The following ITGA5 variants were observed in gnomAD, a reference collection of about 807,000 sequenced individuals.
ITGA5 encodes integrin subunit alpha 5, also known as integrin alpha-5.
ITGA5 carries 55 observed loss-of-function variants against 146.3 expected under a neutral mutation model. That is an observed-to-expected ratio of 0.38 (90% CI 0.30 to 0.47). The LOEUF is 0.47. Among genes scored for constraint, ITGA5 ranks in the 20% least tolerant of loss-of-function variants. ITGA5 has a pLI of 0.99. For synonymous variants in ITGA5, 500 were observed against 531.8 expected (o/e 0.94, Z 0.82); for missense variants, 1,131 against 1,329.0 (o/e 0.85, Z 2.32).
chr12:54,404,353 C>T lies in ITGA5; in HGVS notation c.1463+77G>A, dbSNP rs111739162. 317 of 1,578,022 alleles carry T rather than the reference C, an allele frequency of 2.0e-4. No individual in the cohort carries two copies. In the African/African-American group the frequency reaches 3.8e-3, roughly 19 times the overall value. ...ATGTGTGTCCTCTGCATTGATTTTC[C>T]CAACCTCAGCTCTGTTGAGAAATTT... is the stretch of plus-strand genomic sequence containing the variant. On this transcript the variant is annotated intron_variant, in intron 14 of 29. Coordinates refer to ENST00000293379, the MANE Select transcript of ITGA5 (RefSeq NM_002205.5).
At chr12:54,405,000 G>T in intron 12 of ITGA5, 106 bp from the exon 13 acceptor site, 1 of 1,194,808 alleles carries the variant, frequency 8.4e-7, no homozygotes, top group Non-Finnish European at 1.2e-6. Flanking sequence ...CCATCTGTCA[G>T]TCCCTATATT....
chr12:54,416,216 C>T lies in ITGA5; in HGVS notation c.218+2765G>A, dbSNP rs774139434. 6.6e-6 allele frequency among the ~76,000 whole-genome samples: 1 copy of T among 152,142 alleles called. No homozygotes were observed. Among genetic ancestry groups the T allele is most frequent in the African/African-American group, 2.4e-5 (1 of 41,434 alleles). On this transcript the variant is annotated intron_variant, in intron 1 of 29. Transcript: ENST00000293379. This position sits in a 1 kb window ranked among gnomAD's most constrained non-coding sequence, Gnocchi z 4.1. ...TCCCGAGTAGCTGGGATTACAGGTG[C>T]GTGCCAGCACGCTCGGCTAATTTTT...
At position 54,401,934 on chromosome 12, in the gene ITGA5, C is replaced by G; in HGVS notation, c.2226+67G>C. ...CCTCCGCACCTCACAGCTGTGCTCT[C>G]GGCTGGCTGGTTACCGCCCTCAGGT... On this transcript the variant is annotated intron_variant, in intron 21 of 29. Coordinates refer to ENST00000293379, the MANE Select transcript of ITGA5 (RefSeq NM_002205.5). The surrounding 1 kb of genome is among the most constrained non-coding windows in gnomAD (Gnocchi z 5.0). 6.3e-7 allele frequency: 1 copy of G among 1,596,954 alleles called. No individual in the cohort carries two copies. The highest frequency in any genetic ancestry group is 8.6e-7 in the Non-Finnish European group (1 of 1,164,622).
rs550608760 is a variant in ITGA5 at position 54,402,464 on chromosome 12, AG to A, written c.1983-135del. On this transcript the variant is annotated intron_variant, in intron 19 of 29. Coordinates refer to ENST00000293379, the MANE Select transcript of ITGA5 (RefSeq NM_002205.5). ...GTAATCCCAGCACTTTGGGAGGCTG[AG>A]GCGGGTGGATCACGAGGTCAGGAGT... The A allele has an allele frequency of 5.3e-4, 386 of 733,252 alleles. 2 individuals are homozygous for A. In the African/African-American group the frequency reaches 6.3e-3, roughly 12 times the overall value. 45.4% of individuals were successfully genotyped at this position (733,252 alleles called of 1,614,324 possible).
chr12:54,399,812 A>G (rs373529910), intron 26 of ITGA5, 52 bp downstream of exon 26: 2 of 1,605,408 alleles, frequency 1.2e-6, no homozygotes, highest in African/African-American at 1.3e-5. Flanking sequence ...GGCCCTGAGA[A>G]CCCCAGAGTA....
intron 1 of ITGA5, 116 bp from the exon 2 acceptor site, chr12:54,412,080 C>G (rs975944896): frequency 1.3e-6 from 1 of 750,878 alleles, no homozygotes; most frequent in Non-Finnish European, 2.0e-6. Context: ...AGTAGATGCC[C>G]CCTGCGTTGT....
Position 54,402,194 on chromosome 12 carries a change from C to G in ITGA5, c.2119G>C (p.Val707Leu). ...TCTCATCTCACCCCTGGGTGTCTGACGAGTCCTGAGTACTCAGCCTCTGGA... is the reference window on the plus strand; with the variant it reads ...TCTCATCTCACCCCTGGGTGTCTGAGGAGTCCTGAGTACTCAGCCTCTGGA... ...APPEAEYSGL[V>L]RHPGNFSSLS... Residue 707 changes from valine to leucine, a missense_variant, in exon 20 of 30, where the codon GTC (valine) becomes CTC (leucine). Physicochemically the swap from Val to Leu is conservative, Grantham distance 32. This residue lies in a region of ITGA5 where 889 missense variants were observed against 1,021.5 expected (regional missense o/e 0.87). Coordinates refer to ENST00000293379, the MANE Select transcript of ITGA5 (RefSeq NM_002205.5). 1 of 1,613,448 alleles carries G rather than the reference C, an allele frequency of 6.2e-7. No homozygotes were observed. The highest frequency in any genetic ancestry group is 2.2e-5 in the East Asian group (1 of 44,862).
rs200041275 is a variant in ITGA5 at position 54,408,188 on chromosome 12, G to C, written c.739C>G (p.Pro247Ala). ...TGAACCAGGTTGATCAGGTACTCGG[G>C]GTAATAAGATTCTGCAATCTGCTCC... ...TQEQIAESYYPEYLINLVQGQ... is the reference protein window; with the variant it reads ...TQEQIAESYYAEYLINLVQGQ... Residue 247 changes from proline (P) to alanine (A), a missense_variant, in exon 7 of 30, where the codon CCC becomes GCC. Physicochemically the swap from Pro to Ala is conservative, Grantham distance 27. This residue lies in a region of ITGA5 where 889 missense variants were observed against 1,021.5 expected (regional missense o/e 0.87). Coordinates refer to ENST00000293379, the MANE Select transcript of ITGA5 (RefSeq NM_002205.5). 1 of 1,614,154 alleles carries C rather than the reference G, an allele frequency of 6.2e-7. No homozygotes were observed. Among genetic ancestry groups the C allele is most frequent in the Non-Finnish European group, 8.5e-7 (1 of 1,180,016 alleles).
chr12:54,411,866 G>A lies in ITGA5; in HGVS notation c.317C>T (p.Thr106Ile). 1 of 1,590,200 alleles carries A rather than the reference G, an allele frequency of 6.3e-7. No homozygotes were observed. ...GTCAAATTCAATGGGGGTGCACTGT[G>A]TGGGGCTGGCACCCCAAGGACAGAG... Reference protein sequence around the residue: ...VYLCPWGASPTQCTPIEFDSK... With the variant: ...VYLCPWGASPIQCTPIEFDSK... Residue 106 changes from threonine (T) to isoleucine (I), a missense_variant, in exon 2 of 30, where the codon ACA becomes ATA. By Grantham distance (89) the Thr-to-Ile change is moderately conservative (BLOSUM62 -1). Coordinates refer to ENST00000293379, the MANE Select transcript of ITGA5 (RefSeq NM_002205.5).
chr12:54,411,805 C>CA, intron 2 of ITGA5, 29 bp downstream of exon 2: 4 of 1,471,588 alleles, frequency 2.7e-6, no homozygotes, highest in Non-Finnish European at 3.6e-6. Flanking sequence ...TCCCACCCCC[C>CA]AGTCCCTCCC....
chr12:54,413,146 TTCCTC>T (rs1262423975), intron 1 of ITGA5: 1 of 152,362 alleles, frequency 6.6e-6, no homozygotes, highest in East Asian at 1.9e-4. Context: ...TTTGAATACC[TTCCTC>T]AGCTTTCTCA....
intron 14 of ITGA5, 52 bp from the exon 15 acceptor site, chr12:54,404,298 G>T: frequency 1.9e-6 from 3 of 1,581,480 alleles, no homozygotes; most frequent in Non-Finnish European, 2.6e-6. Flanking sequence ...CTGTAACCTG[G>T]ACACAGGAAA....
At chr12:54,402,692 C>T (rs1955803690) in intron 19 of ITGA5, among the ~76,000 whole-genome samples, 1 of 150,782 alleles carries the variant, frequency 6.6e-6, no homozygotes, top group African/African-American at 2.4e-5. Context: ...AAGGGCATGA[C>T]TCCGTCTCAA....
At chr12:54,408,459 G>A (rs1592290173) in intron 6 of ITGA5, among the ~76,000 whole-genome samples, 1 of 152,006 alleles carries the variant, frequency 6.6e-6, no homozygotes, top group South Asian at 2.1e-4. Context: ...AGGGCGCGGC[G>A]GCTCATGCCT....
rs1565643218 is a variant in ITGA5, at chr12:54,409,334, T to C, written c.481A>G (p.Ser161Gly). 1.9e-6 allele frequency: 3 copies of C among 1,613,338 alleles called. No individual in the cohort carries two copies. The highest frequency in any genetic ancestry group is 2.5e-6 in the Non-Finnish European group (3 of 1,179,776). The change falls in exon 4 of 30, where the codon AGC (serine) becomes GGC (glycine). Residue 161 changes from serine (S) to glycine (G), a missense_variant. Physicochemically the swap from Ser to Gly is moderately conservative, Grantham distance 56. Around this residue, in one of 3 missense-constraint regions of ITGA5, gnomAD observed 67 missense variants for 128.2 expected, o/e 0.52. Coordinates refer to ENST00000293379, the MANE Select transcript of ITGA5 (RefSeq NM_002205.5). This position sits in a 1 kb window ranked among gnomAD's most constrained non-coding sequence, Gnocchi z 4.7. ...SSILACAPLYSWRTEKEPLSD... is the reference protein window; with the variant it reads ...SSILACAPLYGWRTEKEPLSD... ...AGTGGCTCCTTCTCTGTGCGCCAGC[T>C]GTACAGTGGAGCGCATGCCTGGGAG...
Position 54,403,582 on chromosome 12 carries a change from C to A in ITGA5, c.1776+43G>T. On this transcript the variant is annotated intron_variant, in intron 17 of 29. Coordinates refer to ENST00000293379, the MANE Select transcript of ITGA5 (RefSeq NM_002205.5). The surrounding 1 kb of genome is among the most constrained non-coding windows in gnomAD (Gnocchi z 4.9). ...AGGAGGTGCCCTCAGTTCTGTGTGG[C>A]CACCCTCCCTGGCCAGTCCACACCC... The A allele has an allele frequency of 6.3e-7, 1 of 1,581,368 alleles. No homozygotes were observed.
intron 29 of ITGA5, 99 bp downstream of exon 29, chr12:54,397,266 G>A: frequency 7.4e-7 from 1 of 1,350,944 alleles, no homozygotes; most frequent in Non-Finnish European, 1.1e-6. Context: ...GGGGCACATG[G>A]CTGGTGAACT....
chr12:54,406,710 TC>T lies in ITGA5; in HGVS notation c.907-785del, dbSNP rs1435659451. 2.0e-5 allele frequency among the ~76,000 whole-genome samples: 3 copies of T among 152,350 alleles called. No individual in the cohort carries two copies. In the East Asian group the frequency reaches 5.8e-4, roughly 29 times the overall value. On this transcript the variant is annotated intron_variant, in intron 9 of 29. Coordinates refer to ENST00000293379, the MANE Select transcript of ITGA5 (RefSeq NM_002205.5). ...TGAAATTGTTTCCTTTTCTTCCACC[TC>T]ATTCATGCTCCTGCACAGGATGCCC... is the stretch of plus-strand genomic sequence containing the variant.
rs1402856864 is a variant in ITGA5 at position 54,401,098 on chromosome 12, C to G, written c.2494-103G>C. On this transcript the variant is annotated intron_variant, in intron 24 of 29. Coordinates refer to ENST00000293379, the MANE Select transcript of ITGA5 (RefSeq NM_002205.5). This position sits in a 1 kb window ranked among gnomAD's most constrained non-coding sequence, Gnocchi z 5.0. Reference sequence around the variant, plus strand: ...TCCACTATACCCTGCTGTCAGGCTCCTATCTCAGAGATGAAGCAGGGAAGC... The same window carrying G: ...TCCACTATACCCTGCTGTCAGGCTCGTATCTCAGAGATGAAGCAGGGAAGC... The G allele has an allele frequency of 1.6e-6, 2 of 1,219,564 alleles. No individual in the cohort carries two copies. The allele number at this position is 1,219,564 out of a possible 1,614,324, so 75.5% of individuals were successfully genotyped here.
Sources: gnomAD v4.1 joint callset for allele counts (sites outside exome capture counted in the v4.1 genomes callset) on GRCh38, gnomAD v4.1.1 for gene constraint, gnomAD v4.1.1 regional missense constraint, Gnocchi (gnomAD v3.1) non-coding constraint, MANE v1.5 for transcripts, NCBI Gene and HGNC (gene_info 2026-07-23, HGNC 2026-07-21) for gene names.